The following LIMCH1 variants were observed in gnomAD, a reference collection of about 807,000 sequenced individuals.
The protein encoded by LIMCH1 is LIM and calponin homology domains 1.
Under a neutral mutation model 176.5 loss-of-function variants are expected in LIMCH1, and 113 were observed. The ratio of observed to expected loss-of-function variants is 0.64; its 90% CI spans 0.55 to 0.75. The LOEUF (loss-of-function observed/expected upper bound fraction) is 0.75, where lower values mean the gene tolerates loss of function less well. Among genes scored for constraint, LIMCH1 ranks in the 30% least tolerant of loss-of-function variants. The probability of loss-of-function intolerance (pLI) is 0.00; values close to 1 mark genes in which losing one functional copy is unlikely to be tolerated. For missense variants in LIMCH1, 1,674 were observed against 1,814.9 expected (o/e 0.92, Z 1.41); for synonymous variants, 619 against 645.9 (o/e 0.96, Z 0.63).
At chr4:41,528,838 G>C (rs1260297705) in intron 3 of LIMCH1, among the ~76,000 whole-genome samples, 1 of 152,196 alleles carries the variant, frequency 6.6e-6, no homozygotes, top group Non-Finnish European at 1.5e-5. Flanking sequence ...GATTTACAAA[G>C]GCATGAATAG....
chr4:41,687,102 G>A (rs570030552), intron 28 of LIMCH1, among the ~76,000 whole-genome samples: 17 of 152,250 alleles, frequency 1.1e-4, no homozygotes, highest in Non-Finnish European at 1.0e-4. Context: ...GGACTCCCAC[G>A]CTGTTCGCTT....
intron 1 of LIMCH1, among the ~76,000 whole-genome samples, chr4:41,594,750 C>G (rs947492328): frequency 6.6e-6 from 1 of 152,158 alleles, no homozygotes; most frequent in Non-Finnish European, 1.5e-5. Context: ...TGTTTGCAGG[C>G]TGCACGCTGA....
Position 41,618,934 on chromosome 4 carries a change from G to A in LIMCH1, c.206-254G>A, listed in dbSNP as rs7662775. 0.041 allele frequency among the ~76,000 whole-genome samples: 6,254 copies of A among 152,128 alleles called. 405 individuals carry two copies. Among genetic ancestry groups the A allele is most frequent in the African/African-American group, 0.14 (5,838 of 41,478 alleles). On this transcript the variant is annotated intron_variant, in intron 5 of 31. Coordinates refer to ENST00000503057, the MANE Select transcript of LIMCH1 (RefSeq NM_001330672.2). ...AGATGTGTTGCTAATTGTAATTCTC[G>A]GATACAGTTAGGCTTATGTCTGTAG...
At chr4:41,681,246 A>G (rs1332087105) in intron 25 of LIMCH1, among the ~76,000 whole-genome samples, 187 bp downstream of exon 25, 1 of 152,166 alleles carries the variant, frequency 6.6e-6, no homozygotes, top group Non-Finnish European at 1.5e-5. Flanking sequence ...GCCAAATTCT[A>G]GAGTCATTTC....
At chr4:41,597,382 G>C (rs568955382) in intron 1 of LIMCH1, among the ~76,000 whole-genome samples, 1 of 152,104 alleles carries the variant, frequency 6.6e-6, no homozygotes, top group African/African-American at 2.4e-5. Flanking sequence ...GAATAATAAG[G>C]GCTATAGAAA....
intron 3 of LIMCH1, among the ~76,000 whole-genome samples, chr4:41,527,883 T>C (rs539683454): frequency 7.1e-6 from 1 of 141,366 alleles, no homozygotes; most frequent in South Asian, 2.3e-4. Context: ...AAAACTGTCG[T>C]AGATTAAAGA....
chr4:41,463,431 A>G (rs2065662297), intron 1 of LIMCH1, among the ~76,000 whole-genome samples: 1 of 152,094 alleles, frequency 6.6e-6, no homozygotes, highest in South Asian at 2.1e-4. Context: ...AGAATCCAGG[A>G]CCTGGATTGA....
intron 1 of LIMCH1, among the ~76,000 whole-genome samples, chr4:41,446,629 T>C (rs1200401959): frequency 6.6e-6 from 1 of 152,336 alleles, no homozygotes; most frequent in South Asian, 2.1e-4. Flanking sequence ...GACAACTACA[T>C]GAACCCTTAG....
intron 5 of LIMCH1, 139 bp from the exon 6 acceptor site, chr4:41,619,049 C>T (rs1326071765): frequency 9.7e-7 from 1 of 1,031,842 alleles, no homozygotes; most frequent in African/African-American, 1.6e-5. Flanking sequence ...CAAATCTACA[C>T]TTTAGATTTG....
chr4:41,435,186 C>G (rs1256154373), intron 1 of LIMCH1, among the ~76,000 whole-genome samples: 1 of 151,986 alleles, frequency 6.6e-6, no homozygotes, highest in East Asian at 1.9e-4. Flanking sequence ...CAATGTTATC[C>G]CAGTGGACCC....
rs146639205 is a variant in LIMCH1 at position 41,441,064 on chromosome 4, G to A, written c.97-53472G>A. On this transcript the variant is annotated intron_variant, in intron 1 of 26. Coordinates refer to the LIMCH1 transcript ENST00000313860. ...ATCTCTTTCCCTTGGTATTGCATGT[G>A]TAGGTATGAATGACATGAACCCCTC... Among the ~76,000 whole-genome samples, 234 of 152,196 alleles carry A rather than the reference G, an allele frequency of 1.5e-3. 4 individuals carry two copies. In the East Asian group the frequency reaches 0.041, roughly 27 times the overall value.
At chr4:41,504,696 T>C (rs1406468378) in intron 2 of LIMCH1, among the ~76,000 whole-genome samples, 1 of 152,266 alleles carries the variant, frequency 6.6e-6, no homozygotes, top group East Asian at 1.9e-4. Flanking sequence ...CTTACTGATA[T>C]GCTCTCCCTT....
intron 1 of LIMCH1, among the ~76,000 whole-genome samples, chr4:41,477,369 G>A (rs575519290): frequency 8.5e-5 from 13 of 152,286 alleles, no homozygotes; most frequent in Admixed American, 7.2e-4. Flanking sequence ...AGGAGTTTGC[G>A]TGGTTTAGCA....
At chr4:41,418,410 A>G (rs2060125175) in intron 1 of LIMCH1, among the ~76,000 whole-genome samples, 2 of 152,234 alleles carry the variant, frequency 1.3e-5, no homozygotes, top group Non-Finnish European at 2.9e-5. Context: ...TGGCACAGGA[A>G]TCTTGGTCAG....
chr4:41,503,200 G>A (rs1203728202), intron 2 of LIMCH1, among the ~76,000 whole-genome samples: 3 of 152,286 alleles, frequency 2.0e-5, no homozygotes, highest in Non-Finnish European at 4.4e-5. Flanking sequence ...AGTAATTCCA[G>A]TAGAAGTCCT....
intron 1 of LIMCH1, among the ~76,000 whole-genome samples, chr4:41,413,801 T>A (rs1164206545): frequency 1.3e-5 from 2 of 152,050 alleles, no homozygotes; most frequent in South Asian, 2.1e-4. Flanking sequence ...AAAGCCGACC[T>A]CAAGTAGGAG....
At chr4:41,586,686 T>G (rs2086537268) in intron 1 of LIMCH1, among the ~76,000 whole-genome samples, 1 of 152,160 alleles carries the variant, frequency 6.6e-6, no homozygotes, top group Non-Finnish European at 1.5e-5. Context: ...TTAGGGTTAG[T>G]TTAAGTAGCC....
chr4:41,366,245 T>C (rs1051090402), intron 1 of LIMCH1, among the ~76,000 whole-genome samples: 4 of 152,220 alleles, frequency 2.6e-5, no homozygotes. Flanking sequence ...CTAAAGTCTA[T>C]GTACAGTTGG....
intron 7 of LIMCH1, among the ~76,000 whole-genome samples, chr4:41,625,774 T>C (rs2092910755): frequency 6.6e-6 from 1 of 152,244 alleles, no homozygotes; most frequent in East Asian, 1.9e-4. Flanking sequence ...AGATTCTCCC[T>C]GCTCAAATTG....
Sources: allele counts gnomAD v4.1 joint callset (sites outside exome capture counted in the v4.1 genomes callset), GRCh38; gene constraint gnomAD v4.1.1; transcripts MANE v1.5; gene names NCBI Gene and HGNC (gene_info 2026-07-23, HGNC 2026-07-21).